Variants in ATP13A4 observed in about 807,000 individuals in gnomAD.
The protein encoded by ATP13A4 is ATPase 13A4.
ATP13A4 carries 114 observed loss-of-function variants against 142.5 expected under a neutral mutation model. The observed-to-expected ratio is 0.80, with a 90% CI of 0.69 to 0.93. The LOEUF is 0.93. ATP13A4 is among the 40% of genes least tolerant of loss of function. The probability of loss-of-function intolerance (pLI) is 0.00; values close to 1 mark genes in which losing one functional copy is unlikely to be tolerated. For synonymous variants in ATP13A4, 488 were observed against 514.8 expected (o/e 0.95, Z 0.70); for missense variants, 1,392 against 1,454.0 (o/e 0.96, Z 0.69).
intron 28 of ATP13A4, among the ~76,000 whole-genome samples, chr3:193,409,069 C>G (rs1284960166): frequency 6.6e-6 from 1 of 152,086 alleles, no homozygotes; most frequent in African/African-American, 2.4e-5. Context: ...GAACTGGTAA[C>G]GGGGAATCTA....
intron 1 of ATP13A4, among the ~76,000 whole-genome samples, chr3:193,516,813 TAC>T (rs1721442303): frequency 1.3e-5 from 2 of 152,340 alleles, no homozygotes; most frequent in African/African-American, 4.8e-5. Context: ...GAGGGCTCTC[TAC>T]AGTTTCCAAA....
intron 26 of ATP13A4, among the ~76,000 whole-genome samples, chr3:193,413,920 T>C (rs1714910315): frequency 6.6e-6 from 1 of 152,208 alleles, no homozygotes; most frequent in East Asian, 1.9e-4. Context: ...CATGTGATCT[T>C]TGTGACCTAC....
chr3:193,549,998 A>G (rs1723455826), intron 1 of ATP13A4, among the ~76,000 whole-genome samples: 1 of 152,228 alleles, frequency 6.6e-6, no homozygotes, highest in Non-Finnish European at 1.5e-5. Context: ...AAGGGAAATT[A>G]TGAGGCAACA....
At chr3:193,581,614 G>T (rs1724547779) in intron 2 of ATP13A4, 2 of 152,120 alleles carry the variant, frequency 1.3e-5, no homozygotes, top group African/African-American at 4.8e-5. Context: ...TGAATCTGAT[G>T]AATCTGATTC....
At chr3:193,419,604 C>T (rs1363822845) in intron 25 of ATP13A4, among the ~76,000 whole-genome samples, 3 of 149,010 alleles carry the variant, frequency 2.0e-5, no homozygotes, top group Non-Finnish European at 4.4e-5. Context: ...CAGTGCACTG[C>T]CTCCCAAGGA....
intron 2 of ATP13A4, among the ~76,000 whole-genome samples, chr3:193,503,042 G>T (rs750819165): frequency 2.0e-5 from 3 of 152,038 alleles, no homozygotes; most frequent in Middle Eastern, 3.4e-3. Context: ...CGGGGCAGGG[G>T]GGGGAACTAT....
At chr3:193,486,254 G>A (rs1463228096) in intron 7 of ATP13A4, among the ~76,000 whole-genome samples, 1 of 152,034 alleles carries the variant, frequency 6.6e-6, no homozygotes, top group East Asian at 1.9e-4. Context: ...TAAAGTCTGC[G>A]ATGAGATTTA....
At chr3:193,460,786 C>A (rs1034305681) in intron 13 of ATP13A4, among the ~76,000 whole-genome samples, 9 of 152,200 alleles carry the variant, frequency 5.9e-5, no homozygotes, top group Admixed American at 6.5e-5. Context: ...ACAGCAAATA[C>A]ATAAAGCTCT....
intron 6 of ATP13A4, 45 bp from the exon 7 acceptor site, chr3:193,489,909 C>T (rs762652395): frequency 7.0e-6 from 11 of 1,581,288 alleles, no homozygotes; most frequent in East Asian, 6.7e-5. Context: ...GAGTTTTAGG[C>T]TTCACTCTGC....
Position 193,438,464 on chromosome 3 carries a change from T to C in ATP13A4, c.2672+11A>G, listed in dbSNP as rs771699747. ...AGAGAGAAAACAATGTTTGAGGAAG[T>C]GCCTACTTACTTGATAAGGTGAGGT... On this transcript the variant is annotated intron_variant, in intron 23 of 29. Coordinates refer to ENST00000342695, the MANE Select transcript of ATP13A4 (RefSeq NM_032279.4). The C allele has an allele frequency of 1.3e-6, 2 of 1,583,464 alleles. No individual in the cohort carries two copies. Among genetic ancestry groups the C allele is most frequent in the Non-Finnish European group, 1.7e-6 (2 of 1,152,194 alleles).
chr3:193,530,751 T>C (rs1178578320), intron 1 of ATP13A4, among the ~76,000 whole-genome samples: 1 of 152,172 alleles, frequency 6.6e-6, no homozygotes, highest in Non-Finnish European at 1.5e-5. Flanking sequence ...TTTCTCAGGA[T>C]GTTGTGATTT....
intron 1 of ATP13A4, among the ~76,000 whole-genome samples, chr3:193,549,704 C>T (rs1249055693): frequency 3.3e-5 from 5 of 152,112 alleles, no homozygotes; most frequent in South Asian, 2.1e-4. Context: ...TGGTGGCATG[C>T]GCCCGTGGTC....
chr3:193,529,184 C>T (rs552761829), intron 1 of ATP13A4, among the ~76,000 whole-genome samples: 160 of 151,828 alleles, frequency 1.1e-3, no homozygotes, highest in African/African-American at 3.8e-3. Flanking sequence ...GCAGGAGAAT[C>T]GCTTGAACCC....
chr3:193,459,337 G>C (rs892502944), intron 13 of ATP13A4, 106 bp from the exon 14 acceptor site: 11 of 1,399,666 alleles, frequency 7.9e-6, no homozygotes, highest in Non-Finnish European at 1.1e-5. Flanking sequence ...AATATGCTTT[G>C]TTGCATTAAT....
chr3:193,516,918 C>A (rs1434523740), intron 1 of ATP13A4, among the ~76,000 whole-genome samples: 1 of 152,068 alleles, frequency 6.6e-6, no homozygotes, highest in Non-Finnish European at 1.5e-5. Context: ...ACTATAATAC[C>A]TTTAATAGTA....
intron 20 of ATP13A4, 112 bp from the exon 21 acceptor site, chr3:193,440,749 A>G (rs996163797): frequency 6.9e-5 from 83 of 1,197,710 alleles, no homozygotes; most frequent in East Asian, 5.3e-4. Flanking sequence ...TGAAGAAAAA[A>G]AAAAGTTTCC....
intron 8 of ATP13A4, among the ~76,000 whole-genome samples, chr3:193,477,349 A>G (rs1235665811): frequency 6.6e-6 from 1 of 152,124 alleles, no homozygotes. Flanking sequence ...AGATGAAAAA[A>G]GATTCATTAA....
At chr3:193,582,576 A>ATATG in intron 1 of ATP13A4, among the ~76,000 whole-genome samples, 1 of 132,498 alleles carries the variant, frequency 7.5e-6, no homozygotes, top group African/African-American at 2.9e-5. Flanking sequence ...TACATATAAT[A>ATATG]TATATTACAT....
intron 1 of ATP13A4, among the ~76,000 whole-genome samples, chr3:193,531,711 T>C (rs187898113): frequency 1.1e-4 from 17 of 152,154 alleles, no homozygotes; most frequent in Non-Finnish European, 2.4e-4. Context: ...TCAAGAGGGG[T>C]TGCATGGATG....
Sources: gnomAD v4.1 joint callset for allele counts (sites outside exome capture counted in the v4.1 genomes callset) on GRCh38, gnomAD v4.1.1 for gene constraint, MANE v1.5 for transcripts, NCBI Gene and HGNC (gene_info 2026-07-23, HGNC 2026-07-21) for gene names.